AMTN: variants seen among roughly 807,000 people sequenced by gnomAD.
AMTN encodes amelotin, also known as RSTI689.
A neutral mutation model predicts 27.4 loss-of-function variants in AMTN; 29 were observed. That is an observed-to-expected ratio of 1.06 (90% confidence interval 0.79 to 1.44). AMTN has a LOEUF of 1.44. Among genes scored for constraint, AMTN ranks in the 40% most tolerant of loss-of-function variants. The pLI is 0.00. For missense variants in AMTN, 247 were observed against 248.8 expected, an observed-to-expected ratio of 0.99 and a Z score of 0.05; for synonymous variants, 86 against 95.7, an observed-to-expected ratio of 0.90 and a Z score of 0.59.
rs1305157886 is a variant in AMTN at position 70,531,165 on chromosome 4, C to T, written c.484C>T (p.Pro162Ser). Residue 162 changes from proline to serine, a missense_variant, in exon 8 of 9, where the codon CCT (proline) becomes TCT (serine). Coordinates refer to ENST00000339336, the MANE Select transcript of AMTN (RefSeq NM_212557.4). ...TCCAGCAGGAGGAGCAGGTGTAAAT[C>T]CTGCCACCCAGGGAACCCCAGCAGG... is the stretch of plus-strand genomic sequence containing the variant. Reference protein sequence around the residue: ...SLPAGGAGVNPATQGTPAGRL... With the variant: ...SLPAGGAGVNSATQGTPAGRL... 1 of 1,613,990 alleles carries T rather than the reference C, an allele frequency of 6.2e-7. No homozygotes were observed. The highest frequency in any genetic ancestry group is 1.3e-5 in the African/African-American group (1 of 75,022).
chr4:70,525,035 T>A, intron 5 of AMTN, 74 bp downstream of exon 5: 1 of 1,416,850 alleles, frequency 7.1e-7, no homozygotes, highest in South Asian at 1.2e-5. Context: ...ACAGTAGAAA[T>A]TTTTTAAAGC....
chr4:70,521,549 T>G (rs1232338344), intron 2 of AMTN, among the ~76,000 whole-genome samples: 2 of 147,402 alleles, frequency 1.4e-5, no homozygotes, highest in Non-Finnish European at 3.0e-5. Flanking sequence ...ACAAAATTTA[T>G]ATATATTATA....
chr4:70,524,352 G>A (rs548942516), intron 4 of AMTN, among the ~76,000 whole-genome samples: 1 of 152,258 alleles, frequency 6.6e-6, no homozygotes, highest in Admixed American at 6.5e-5. Flanking sequence ...TAGATCTTCA[G>A]CCCTCTCATA....
In AMTN at chr4:70,532,626, G is replaced by A. The variant is rs558242732; in HGVS notation, c.*161G>A. The A allele has an allele frequency of 1.3e-5, 8 of 636,444 alleles. No individual in the cohort carries two copies. Among genetic ancestry groups the A allele is most frequent in the African/African-American group, 1.9e-5 (1 of 52,792 alleles). 39.4% of individuals were successfully genotyped at this position (636,444 alleles called of 1,614,324 possible). A position where few individuals can be genotyped will look rare whatever the true frequency, so the allele number is the denominator to read the frequency against. On this transcript the variant is annotated 3_prime_UTR_variant, in exon 9 of 9. Coordinates refer to ENST00000339336, the MANE Select transcript of AMTN (RefSeq NM_212557.4). ...ATATTCTTGAAATTTCAGAAAATAT[G>A]TTCTATGTAGAGAATCCCAACTTTT...
chr4:70,527,514 C>T (rs1363073418), intron 5 of AMTN, among the ~76,000 whole-genome samples: 1 of 152,078 alleles, frequency 6.6e-6, no homozygotes, highest in Non-Finnish European at 1.5e-5. Flanking sequence ...CCTTTTTTGT[C>T]AGTAGAGAAG....
At chr4:70,527,574 G>C (rs574505703) in intron 5 of AMTN, among the ~76,000 whole-genome samples, 1 of 152,028 alleles carries the variant, frequency 6.6e-6, no homozygotes, top group Non-Finnish European at 1.5e-5. Context: ...ATTTTTCCTT[G>C]TTGGCATTCC....
chr4:70,520,089 T>C (rs1396015171), intron 2 of AMTN, among the ~76,000 whole-genome samples: 1 of 152,256 alleles, frequency 6.6e-6, no homozygotes, highest in Admixed American at 6.5e-5. Flanking sequence ...TTCTCTAGTA[T>C]ATTTAAATTA....
intron 8 of AMTN, 123 bp downstream of exon 8, chr4:70,531,423 C>A: frequency 7.7e-7 from 1 of 1,291,950 alleles, no homozygotes. Context: ...AGCCCCTTTA[C>A]TCACTCACAG....
Position 70,529,219 on chromosome 4 carries a change from A to T in AMTN, c.357+9A>T, listed in dbSNP as rs1194433510. On this transcript the variant is annotated intron_variant, in intron 7 of 8. Transcript: ENST00000339336. ...TAAGCTCAGAGGAATTGGTAAAAAA[A>T]ATAAAAATACTATTTCAAATTATTT... The T allele has an allele frequency of 6.5e-7, 1 of 1,537,944 alleles. No homozygotes were observed. Among genetic ancestry groups the T allele is most frequent in the South Asian group, 1.3e-5 (1 of 78,848 alleles).
At chr4:70,530,562 C>G (rs1736198502) in intron 7 of AMTN, among the ~76,000 whole-genome samples, 1 of 152,144 alleles carries the variant, frequency 6.6e-6, no homozygotes, top group South Asian at 2.1e-4. Context: ...CAGAATCTCT[C>G]TAAAAATGAA....
intron 8 of AMTN, among the ~76,000 whole-genome samples, chr4:70,531,747 A>G (rs937611401): frequency 1.3e-5 from 2 of 152,198 alleles, no homozygotes; most frequent in East Asian, 3.9e-4. Context: ...CCTGACCTCA[A>G]GTGATGCACC....
intron 2 of AMTN, among the ~76,000 whole-genome samples, chr4:70,521,906 G>A (rs977870547): frequency 2.6e-5 from 4 of 151,972 alleles, no homozygotes; most frequent in African/African-American, 4.8e-5. Flanking sequence ...ACGGTGGCAT[G>A]AGCCACCGTG....
chr4:70,524,921 C>A lies in AMTN; in HGVS notation c.254C>A (p.Thr85Asn), dbSNP rs373264810. 44 of 1,613,934 alleles carry A rather than the reference C, an allele frequency of 2.7e-5. No homozygotes were observed. Among genetic ancestry groups the A allele is most frequent in the African/African-American group, 1.3e-4 (10 of 74,914 alleles). The stretch of plus-strand genomic sequence containing the variant: ...CCTGGTACCCAGACCCACCCATTGA[C>A]CCTGGGAGGGTTGAATGTACAACAG... ...MTPGTQTHPLTLGGLNVQQQL... is the reference protein window; with the variant it reads ...MTPGTQTHPLNLGGLNVQQQL... The change falls in exon 5 of 9, where the codon ACC (threonine) becomes AAC (asparagine). Residue 85 changes from threonine to asparagine, a missense_variant. Physicochemically the swap from Thr to Asn is moderately conservative, Grantham distance 65 (BLOSUM62 0). Transcript: ENST00000339336.
intron 7 of AMTN, among the ~76,000 whole-genome samples, chr4:70,529,442 A>C (rs1736167855): frequency 6.6e-6 from 1 of 152,166 alleles, no homozygotes; most frequent in South Asian, 2.1e-4. Flanking sequence ...GTTTATTGCT[A>C]TCAGATTCAG....
chr4:70,525,501 A>G (rs985312773), intron 5 of AMTN, among the ~76,000 whole-genome samples: 3 of 152,200 alleles, frequency 2.0e-5, no homozygotes, highest in Middle Eastern at 3.2e-3. Context: ...CTAAGATATA[A>G]ACGACATACT....
chr4:70,526,760 T>C (rs970510010), intron 5 of AMTN, among the ~76,000 whole-genome samples: 5 of 152,102 alleles, frequency 3.3e-5, no homozygotes, highest in Non-Finnish European at 7.3e-5. Flanking sequence ...CCTGGAGATG[T>C]TACAAAAGTT....
chr4:70,526,628 A>G (rs1487931878), intron 5 of AMTN, among the ~76,000 whole-genome samples: 1 of 152,164 alleles, frequency 6.6e-6, no homozygotes, highest in Non-Finnish European at 1.5e-5. Flanking sequence ...ATCATACTAT[A>G]ATCTACATAC....
intron 6 of AMTN, 118 bp from the exon 7 acceptor site, chr4:70,529,065 GA>G: frequency 1.0e-6 from 1 of 983,672 alleles, no homozygotes; most frequent in Non-Finnish European, 1.4e-6. Flanking sequence ...CATATTATTG[GA>G]AAGGCAAAAT....
At chr4:70,524,413 T>A (rs1176294868) in intron 4 of AMTN, among the ~76,000 whole-genome samples, 1 of 152,226 alleles carries the variant, frequency 6.6e-6, no homozygotes, top group Non-Finnish European at 1.5e-5. Context: ...TTTCCTGAGT[T>A]AAAGTGGATT....
Sources: allele counts gnomAD v4.1 joint callset (sites outside exome capture counted in the v4.1 genomes callset), GRCh38; gene constraint gnomAD v4.1.1; transcripts MANE v1.5; gene names NCBI Gene and HGNC (gene_info 2026-07-23, HGNC 2026-07-21).